The following SAMD5 variants were observed in gnomAD, a reference collection of about 807,000 sequenced individuals.
The protein encoded by SAMD5 is sterile alpha motif domain containing 5.
A neutral mutation model predicts 11.3 loss-of-function variants in SAMD5; 13 were observed. The observed-to-expected ratio is 1.15, with a 90% CI of 0.75 to 1.83. SAMD5 has a LOEUF of 1.83. Ranked by LOEUF, SAMD5 falls within the 40% of genes most tolerant of loss-of-function variation. SAMD5 has a pLI of 0.00. For synonymous variants in SAMD5, 129 were observed against 111.3 expected, an observed-to-expected ratio of 1.16 and a Z score of -1.00; for missense variants, 255 against 239.1, an observed-to-expected ratio of 1.07 and a Z score of -0.44.
intron 1 of SAMD5, 100 bp from the exon 2 acceptor site, chr6:147,564,294 G>A (rs1789000282): frequency 8.2e-6 from 6 of 730,298 alleles, no homozygotes; most frequent in Non-Finnish European, 1.5e-5. Flanking sequence ...AGCAGAAAGG[G>A]ACAAGAATGA....
At chr6:147,600,078 A>G (rs76124132) in intron 1 of SAMD5, among the ~76,000 whole-genome samples, 2,302 of 152,174 alleles carry the variant, frequency 0.015, 54 homozygotes, top group African/African-American at 0.052. Context: ...AGTGAGGGCC[A>G]CTCAGAGGAA....
At chr6:147,893,225 A>G in the SAMD5 span, among the ~76,000 whole-genome samples, 3 of 151,630 alleles carry the variant, frequency 2.0e-5, no homozygotes, top group Middle Eastern at 3.2e-3. Context: ...AAAAGTACTC[A>G]GTATGTGTCA....
At chr6:147,856,283 T>C in the SAMD5 span, among the ~76,000 whole-genome samples, 1 of 152,036 alleles carries the variant, frequency 6.6e-6, no homozygotes, top group Non-Finnish European at 1.5e-5. Context: ...TGTGGTGTAG[T>C]GAATGCAGAT....
the SAMD5 span, among the ~76,000 whole-genome samples, chr6:147,779,735 T>A: frequency 6.6e-6 from 1 of 152,186 alleles, no homozygotes; most frequent in Non-Finnish European, 1.5e-5. Flanking sequence ...GATAGCACTA[T>A]ATGTATACTG....
chr6:147,938,008 A>T, the SAMD5 span, among the ~76,000 whole-genome samples: 1 of 152,184 alleles, frequency 6.6e-6, no homozygotes, highest in Non-Finnish European at 1.5e-5. Context: ...AGTCATTTAC[A>T]AATAATAGTA....
chr6:147,705,387 A>G (rs1307279696), intron 1 of SAMD5, among the ~76,000 whole-genome samples: 5 of 152,220 alleles, frequency 3.3e-5, no homozygotes, highest in African/African-American at 1.2e-4. Context: ...ATAATTTCCT[A>G]AAATTTTAAA....
intron 1 of SAMD5, among the ~76,000 whole-genome samples, chr6:147,610,693 G>A (rs1156855538): frequency 6.6e-6 from 1 of 152,096 alleles, no homozygotes; most frequent in African/African-American, 2.4e-5. Flanking sequence ...GTTGACCAGA[G>A]ACCTGAATCA....
At chr6:147,941,948 A>C in the SAMD5 span, among the ~76,000 whole-genome samples, 1 of 152,114 alleles carries the variant, frequency 6.6e-6, no homozygotes, top group African/African-American at 2.4e-5. Flanking sequence ...ATCTCGGCTC[A>C]CTGCAACCTC....
At chr6:147,562,953 A>G (rs564891377) in intron 1 of SAMD5, among the ~76,000 whole-genome samples, 27 of 152,288 alleles carry the variant, frequency 1.8e-4, no homozygotes, top group African/African-American at 6.3e-4. Flanking sequence ...GTTTGTTCAG[A>G]TAGGTTGAAG....
chr6:147,863,501 C>T, the SAMD5 span, among the ~76,000 whole-genome samples: 1 of 152,140 alleles, frequency 6.6e-6, no homozygotes, highest in Non-Finnish European at 1.5e-5. Context: ...CTATGAAAGC[C>T]ACTGAAGCAA....
chr6:147,809,377 A>T, the SAMD5 span, among the ~76,000 whole-genome samples: 1 of 152,102 alleles, frequency 6.6e-6, no homozygotes, highest in African/African-American at 2.4e-5. Context: ...TGAAGAGAAA[A>T]CAGAGTGGCA....
At chr6:147,861,725 C>T in the SAMD5 span, among the ~76,000 whole-genome samples, 1 of 152,144 alleles carries the variant, frequency 6.6e-6, no homozygotes, top group African/African-American at 2.4e-5. Flanking sequence ...TCCCTCGGGT[C>T]CACTTCCATA....
At chr6:147,853,945 C>A in the SAMD5 span, among the ~76,000 whole-genome samples, 1 of 152,094 alleles carries the variant, frequency 6.6e-6, no homozygotes, top group African/African-American at 2.4e-5. Context: ...AAAATCAATT[C>A]CCATTTCTAT....
rs1791405952 is a variant in SAMD5, at chr6:147,711,897, G to A, written c.163-25420G>A. Among the ~76,000 whole-genome samples, 1 of 152,048 alleles carries A rather than the reference G, an allele frequency of 6.6e-6. No homozygotes were observed. The highest frequency in any genetic ancestry group is 1.5e-5 in the Non-Finnish European group (1 of 68,024). On this transcript the variant is annotated intron_variant, in intron 1 of 1. Transcript: ENST00000566741. The surrounding 1 kb of genome is among the most constrained non-coding windows in gnomAD (Gnocchi z 4.1). Reference sequence around the variant, plus strand: ...AAAGCCCTATTTACATAAACACCAGGGGCCCACTCAGAGGTCTGCACCAAC... The same window carrying A: ...AAAGCCCTATTTACATAAACACCAGAGGCCCACTCAGAGGTCTGCACCAAC...
chr6:147,612,406 A>T (rs547236927), intron 1 of SAMD5, among the ~76,000 whole-genome samples: 100 of 152,326 alleles, frequency 6.6e-4, no homozygotes, highest in African/African-American at 2.4e-3. Context: ...AGACTTTTAA[A>T]TCATTCTTTT....
chr6:147,910,204 C>T, the SAMD5 span, among the ~76,000 whole-genome samples: 1 of 152,076 alleles, frequency 6.6e-6, no homozygotes, highest in African/African-American at 2.4e-5. Flanking sequence ...GAAGGGATCA[C>T]TTATTCACCA....
At chr6:147,771,901 C>A in the SAMD5 span, among the ~76,000 whole-genome samples, 1 of 152,206 alleles carries the variant, frequency 6.6e-6, no homozygotes, top group Non-Finnish European at 1.5e-5. Context: ...GTGACAGCTA[C>A]ATTAAAATAT....
At chr6:147,680,286 T>G (rs1195692942) in intron 1 of SAMD5, among the ~76,000 whole-genome samples, 1 of 152,098 alleles carries the variant, frequency 6.6e-6, no homozygotes, top group Non-Finnish European at 1.5e-5. Context: ...AATTACATAT[T>G]TTGATGTTAT....
intron 1 of SAMD5, among the ~76,000 whole-genome samples, chr6:147,518,115 A>G (rs1583065207): frequency 6.6e-6 from 1 of 152,196 alleles, no homozygotes; most frequent in Non-Finnish European, 1.5e-5. Flanking sequence ...TGTGGCCCAA[A>G]AGGAGAGGAA....
Sources: allele counts gnomAD v4.1 joint callset (sites outside exome capture counted in the v4.1 genomes callset), GRCh38; gene constraint gnomAD v4.1.1; non-coding constraint Gnocchi (gnomAD v3.1); transcripts MANE v1.5; gene names NCBI Gene and HGNC (gene_info 2026-07-23, HGNC 2026-07-21).